Variants in JAKMIP1 observed in about 807,000 individuals in gnomAD.
JAKMIP1 encodes janus kinase and microtubule-interacting protein 1.
In JAKMIP1, 33 loss-of-function variants were observed where a neutral mutation model predicts 113.0. The ratio of observed to expected loss-of-function variants is 0.29; its 90% CI spans 0.22 to 0.39. JAKMIP1 has a LOEUF of 0.39. Among genes scored for constraint, JAKMIP1 ranks in the 10% least tolerant of loss-of-function variants. The probability of loss-of-function intolerance (pLI) is 1.00; values close to 1 mark genes in which losing one functional copy is unlikely to be tolerated. For synonymous variants in JAKMIP1, 480 were observed against 459.9 expected (o/e 1.04, Z -0.56); for missense variants, 813 against 1,080.5 (o/e 0.75, Z 3.47).
At position 6,067,696 on chromosome 4, in the gene JAKMIP1, G is replaced by T. The variant is rs1327405695; in HGVS notation, c.1303-2688C>A. Among the ~76,000 whole-genome samples, 1 of 145,014 alleles carries T rather than the reference G, an allele frequency of 6.9e-6. No homozygotes were observed. Among genetic ancestry groups the T allele is most frequent in the Non-Finnish European group, 1.5e-5 (1 of 66,652 alleles). ...GCTCCAGGTTCACTCAAGCTCTTCT[G>T]CACACACAGGTCACCCCCCTGAGCT... On this transcript the variant is annotated intron_variant, in intron 8 of 20. Transcript: ENST00000409021. This position sits in a 1 kb window ranked among gnomAD's most constrained non-coding sequence, Gnocchi z 4.6.
chr4:6,047,762 A>G (rs892521404), intron 16 of JAKMIP1, among the ~76,000 whole-genome samples: 1 of 152,252 alleles, frequency 6.6e-6, no homozygotes, highest in Non-Finnish European at 1.5e-5. Context: ...TTAAGACCTC[A>G]TCACTGCAAA....
chr4:6,044,511 CA>C lies in JAKMIP1; in HGVS notation c.2029-2285del, dbSNP rs1560105038. Among the ~76,000 whole-genome samples, 1 of 152,084 alleles carries C rather than the reference CA, an allele frequency of 6.6e-6. No homozygotes were observed. Among genetic ancestry groups the C allele is most frequent in the African/African-American group, 2.4e-5 (1 of 41,420 alleles). Reference sequence around the variant, plus strand: ...CCAGCCGCGGTGGCCAGCACTTCCTCAAACAAGGCTCAGACAAGATGCGTGG... The same window carrying C: ...CCAGCCGCGGTGGCCAGCACTTCCTCAACAAGGCTCAGACAAGATGCGTGG... On this transcript the variant is annotated intron_variant, in intron 16 of 20. Coordinates refer to ENST00000409021, the MANE Select transcript of JAKMIP1 (RefSeq NM_001099433.2). This position sits in a 1 kb window ranked among gnomAD's most constrained non-coding sequence, Gnocchi z 4.4.
At chr4:6,092,623 C>A (rs1056654485) in intron 3 of JAKMIP1, among the ~76,000 whole-genome samples, 1 of 152,236 alleles carries the variant, frequency 6.6e-6, no homozygotes, top group Admixed American at 6.5e-5. Flanking sequence ...GCTCTCAGTG[C>A]ACAGCATAGT....
Position 6,167,161 on chromosome 4 carries a change from G to A in JAKMIP1, c.-148+33092C>T, listed in dbSNP as rs1432728086. 1.3e-5 allele frequency among the ~76,000 whole-genome samples: 2 copies of A among 152,068 alleles called. No individual in the cohort carries two copies. Among genetic ancestry groups the A allele is most frequent in the Admixed American group, 1.3e-4 (2 of 15,272 alleles). ...CCCTAGACCTGCTCCTCCTTCCAGG[G>A]CCCTGCCTCCGCAAAGAGCACGATG... On this transcript the variant is annotated intron_variant, in intron 1 of 20. Transcript: ENST00000409021. The surrounding 1 kb of genome is among the most constrained non-coding windows in gnomAD (Gnocchi z 5.3).
At chr4:6,125,639 C>G (rs1406724712) in intron 1 of JAKMIP1, among the ~76,000 whole-genome samples, 1 of 129,980 alleles carries the variant, frequency 7.7e-6, no homozygotes, top group Non-Finnish European at 1.6e-5. Context: ...CACACACACA[C>G]CATACACACC....
At position 6,158,664 on chromosome 4, in the gene JAKMIP1, A is replaced by C. The variant is rs932162629; in HGVS notation, c.-148+41589T>G. ...TAGTAGTCATCATTTCCACAAAGGAAGTCCATCTTTTTAGGTTAGGAAAGA... is the reference window on the plus strand; with the variant it reads ...TAGTAGTCATCATTTCCACAAAGGACGTCCATCTTTTTAGGTTAGGAAAGA... On this transcript the variant is annotated intron_variant, in intron 1 of 20. Transcript: ENST00000409021. This position sits in a 1 kb window ranked among gnomAD's most constrained non-coding sequence, Gnocchi z 5.3. 1.8e-4 allele frequency among the ~76,000 whole-genome samples: 28 copies of C among 152,052 alleles called. No individual in the cohort carries two copies. Among genetic ancestry groups the C allele is most frequent in the Admixed American group, 6.5e-5 (1 of 15,276 alleles).
rs188965667 is a variant in JAKMIP1, at chr4:6,119,183, A to G, written c.-147-6186T>C. ...GAACTGCGAGAGTAAATTTCTGTTTACCACCCAGTTTGTGGTCATGCTTTA... is the reference window on the plus strand; with the variant it reads ...GAACTGCGAGAGTAAATTTCTGTTTGCCACCCAGTTTGTGGTCATGCTTTA... On this transcript the variant is annotated intron_variant, in intron 1 of 20. Coordinates refer to ENST00000409021, the MANE Select transcript of JAKMIP1 (RefSeq NM_001099433.2). Among the ~76,000 whole-genome samples the G allele has an allele frequency of 6.9e-3, 1,049 of 152,282 alleles. 3 individuals carry two copies. The highest frequency in any genetic ancestry group is 0.01 in the Non-Finnish European group (697 of 68,028).
At position 6,049,232 on chromosome 4, in the gene JAKMIP1, C is replaced by A. The variant is rs550823465; in HGVS notation, c.1963-310G>T. ...TGTATTTTTAGCAGAGACAGGGTTTCGCCATGTTGGCCAGGCTGGTCTCGA... is the reference window on the plus strand; with the variant it reads ...TGTATTTTTAGCAGAGACAGGGTTTAGCCATGTTGGCCAGGCTGGTCTCGA... On this transcript the variant is annotated intron_variant, in intron 15 of 20. Coordinates refer to ENST00000409021, the MANE Select transcript of JAKMIP1 (RefSeq NM_001099433.2). The surrounding 1 kb of genome is among the most constrained non-coding windows in gnomAD (Gnocchi z 7.0). Among the ~76,000 whole-genome samples the A allele has an allele frequency of 6.6e-6, 1 of 152,172 alleles. No individual in the cohort carries two copies. The highest frequency in any genetic ancestry group is 2.4e-5 in the African/African-American group (1 of 41,444).
chr4:6,079,650 C>T lies in JAKMIP1; in HGVS notation c.1242+522G>A, dbSNP rs547436950. On this transcript the variant is annotated intron_variant, in intron 7 of 20. Transcript: ENST00000409021. The stretch of plus-strand genomic sequence containing the variant: ...GAATTCTCTGGATGCAATTCTCCAC[C>T]GCTTAGGACATACTCAACCCCCTTT... Among the ~76,000 whole-genome samples, 6 of 152,208 alleles carry T rather than the reference C, an allele frequency of 3.9e-5. No individual in the cohort carries two copies. In the South Asian group the frequency reaches 6.2e-4, roughly 16 times the overall value.
chr4:6,104,488 CT>C (rs1713581696), intron 3 of JAKMIP1, among the ~76,000 whole-genome samples: 1 of 152,228 alleles, frequency 6.6e-6, no homozygotes, highest in Non-Finnish European at 1.5e-5. Context: ...GCCAGACCAG[CT>C]TTGCTTTTAG....
At chr4:6,029,673 C>T (rs375557604) in intron 20 of JAKMIP1, 43 bp downstream of exon 20, 6 of 1,347,254 alleles carry the variant, frequency 4.5e-6, no homozygotes, top group Non-Finnish European at 6.3e-6. Context: ...ACTAACATTT[C>T]ATGGAAAGAA....
chr4:6,098,837 C>T (rs1484462887), intron 3 of JAKMIP1, among the ~76,000 whole-genome samples: 2 of 152,222 alleles, frequency 1.3e-5, no homozygotes, highest in Non-Finnish European at 2.9e-5. Context: ...TCCTGATCAA[C>T]CCCACACCCG....
At position 6,064,980 on chromosome 4, in the gene JAKMIP1, A is replaced by G; in HGVS notation, c.1331T>C (p.Phe444Ser). The G allele has an allele frequency of 6.2e-7, 1 of 1,614,176 alleles. No homozygotes were observed. The highest frequency in any genetic ancestry group is 1.6e-4 in the Middle Eastern group (1 of 6,062). Residue 444 changes from phenylalanine to serine, a missense_variant, in exon 9 of 21, where the codon TTT becomes TCT. Phe to Ser is a radical substitution (Grantham distance 155). Transcript: ENST00000409021. This position sits in a 1 kb window ranked among gnomAD's most constrained non-coding sequence, Gnocchi z 4.3. ...TTCTGAGTCCACAGACTCCTCATCA[A>G]ATCCAAAAAATGTCTCCACAACATG... ...KKHVVETFFGFDEESVDSETL... is the reference protein window; with the variant it reads ...KKHVVETFFGSDEESVDSETL...
Position 6,080,291 on chromosome 4 carries a change from C to G in JAKMIP1, c.1123G>C (p.Ala375Pro), listed in dbSNP as rs138699844. The change falls in exon 7 of 21, where the codon GCG becomes CCG. Residue 375 changes from alanine to proline, a missense_variant. By Grantham distance (27) the Ala-to-Pro change is conservative. Coordinates refer to ENST00000409021, the MANE Select transcript of JAKMIP1 (RefSeq NM_001099433.2). This position sits in a 1 kb window ranked among gnomAD's most constrained non-coding sequence, Gnocchi z 6.0. ...VEMKEKLSAQ[A>P]SLKRHTSLND... ...AAGGAGGTATGCCGCTTCAGAGACGCCTGCGCTGACAGCTTTTCTTTCTGC... is the reference window on the plus strand; with the variant it reads ...AAGGAGGTATGCCGCTTCAGAGACGGCTGCGCTGACAGCTTTTCTTTCTGC... 1 of 1,614,078 alleles carries G rather than the reference C, an allele frequency of 6.2e-7. No homozygotes were observed. The highest frequency in any genetic ancestry group is 1.1e-5 in the South Asian group (1 of 91,060).
chr4:6,035,633 T>C (rs1355055709), intron 19 of JAKMIP1, among the ~76,000 whole-genome samples: 1 of 152,228 alleles, frequency 6.6e-6, no homozygotes, highest in African/African-American at 2.4e-5. Context: ...AGCGTGCAGA[T>C]GCTGGAGAAG....
chr4:6,149,755 G>A (rs1721331692), intron 1 of JAKMIP1, among the ~76,000 whole-genome samples: 1 of 152,068 alleles, frequency 6.6e-6, no homozygotes, highest in Admixed American at 6.5e-5. Context: ...CCAGCACAGA[G>A]CAGCCCTCCT....
At chr4:6,161,754 C>G (rs918883593) in intron 1 of JAKMIP1, among the ~76,000 whole-genome samples, 2 of 152,000 alleles carry the variant, frequency 1.3e-5, no homozygotes, top group East Asian at 3.9e-4. Context: ...AAGGTCCACT[C>G]TGGATGCTGG....
chr4:6,086,306 C>T lies in JAKMIP1; in HGVS notation c.625-677G>A, dbSNP rs1187368640. Among the ~76,000 whole-genome samples, 1 of 152,156 alleles carries T rather than the reference C, an allele frequency of 6.6e-6. No homozygotes were observed. Among genetic ancestry groups the T allele is most frequent in the East Asian group, 1.9e-4 (1 of 5,186 alleles). On this transcript the variant is annotated intron_variant, in intron 3 of 20. Transcript: ENST00000409021. This position sits in a 1 kb window ranked among gnomAD's most constrained non-coding sequence, Gnocchi z 4.1. ...CACTCTATATCCTCTCCCAGGCAGCCAGGTCCTCCCCGACGGTATCAACCC... is the reference window on the plus strand; with the variant it reads ...CACTCTATATCCTCTCCCAGGCAGCTAGGTCCTCCCCGACGGTATCAACCC...
At chr4:6,173,518 C>T (rs1018002419) in intron 1 of JAKMIP1, among the ~76,000 whole-genome samples, 2 of 152,192 alleles carry the variant, frequency 1.3e-5, no homozygotes, top group African/African-American at 4.8e-5. Context: ...TACAGCCTGG[C>T]CACTAGGAAC....
Sources: gnomAD v4.1 joint callset for allele counts (sites outside exome capture counted in the v4.1 genomes callset) on GRCh38, gnomAD v4.1.1 for gene constraint, Gnocchi (gnomAD v3.1) non-coding constraint, MANE v1.5 for transcripts, NCBI Gene and HGNC (gene_info 2026-07-23, HGNC 2026-07-21) for gene names.